Variants in KDM4C observed in about 807,000 individuals in gnomAD.
KDM4C encodes lysine demethylase 4C.
In KDM4C, 81 loss-of-function variants were observed where a neutral mutation model predicts 129.3. The observed-to-expected ratio is 0.63, with a 90% CI of 0.52 to 0.75. The LOEUF (loss-of-function observed/expected upper bound fraction) is 0.75, where lower values mean the gene tolerates loss of function less well. KDM4C is among the 30% of genes least tolerant of loss of function. KDM4C has a pLI of 0.00. For synonymous variants in KDM4C, 573 were observed against 456.1 expected (o/e 1.26, Z -3.26); for missense variants, 1,457 against 1,304.0 (o/e 1.12, Z -1.81).
At chr9:7,125,686 G>A (rs988183718) in intron 18 of KDM4C, among the ~76,000 whole-genome samples, 1 of 152,210 alleles carries the variant, frequency 6.6e-6, no homozygotes, top group African/African-American at 2.4e-5. Flanking sequence ...TATTTCCCAG[G>A]AGTGTTCTAA....
intron 17 of KDM4C, among the ~76,000 whole-genome samples, chr9:7,056,546 A>G (rs1264576132): frequency 6.6e-6 from 1 of 152,200 alleles, no homozygotes; most frequent in Non-Finnish European, 1.5e-5. Flanking sequence ...GTAGATGTCT[A>G]TAGGAGAAAA....
intron 1 of KDM4C, among the ~76,000 whole-genome samples, chr9:6,764,276 G>A (rs2130498857): frequency 6.6e-6 from 1 of 152,320 alleles, no homozygotes; most frequent in East Asian, 1.9e-4. Flanking sequence ...TTAGATATAT[G>A]TAGCATAGAA....
chr9:7,115,045 C>T (rs1838745967), intron 18 of KDM4C, among the ~76,000 whole-genome samples: 1 of 152,086 alleles, frequency 6.6e-6, no homozygotes, highest in African/African-American at 2.4e-5. Context: ...CGCCACTGCA[C>T]TGCAATACAG....
intron 12 of KDM4C, among the ~76,000 whole-genome samples, chr9:7,007,797 A>G (rs1314581963): frequency 6.6e-6 from 1 of 152,186 alleles, no homozygotes; most frequent in Non-Finnish European, 1.5e-5. Flanking sequence ...GGAAAATTTA[A>G]ATTATATTAA....
At chr9:7,044,776 A>G (rs565434114) in intron 15 of KDM4C, among the ~76,000 whole-genome samples, 2 of 152,076 alleles carry the variant, frequency 1.3e-5, no homozygotes, top group East Asian at 1.9e-4. Context: ...AGGGTAGTGG[A>G]TCAGATGCTC....
chr9:6,866,969 GTT>G (rs1312583478), intron 5 of KDM4C, among the ~76,000 whole-genome samples: 10 of 61,894 alleles, frequency 1.6e-4, no homozygotes, highest in Non-Finnish European at 1.5e-4. Flanking sequence ...AAAAATATAT[GTT>G]TGTGTGTGTG....
chr9:7,083,719 G>A (rs1444033808), intron 17 of KDM4C, among the ~76,000 whole-genome samples: 2 of 145,136 alleles, frequency 1.4e-5, no homozygotes, highest in Non-Finnish European at 3.0e-5. Flanking sequence ...TGATGTGTGT[G>A]TGTGTGTGTG....
At chr9:6,990,048 G>C (rs964532261) in intron 11 of KDM4C, among the ~76,000 whole-genome samples, 1 of 152,078 alleles carries the variant, frequency 6.6e-6, no homozygotes, top group Admixed American at 6.5e-5. Flanking sequence ...AAAATGCTGA[G>C]ATTACAGGCA....
chr9:6,740,970 G>A (rs10975815), intron 1 of KDM4C, among the ~76,000 whole-genome samples: 3 of 151,062 alleles, frequency 2.0e-5, no homozygotes, highest in Non-Finnish European at 2.9e-5. Flanking sequence ...GACTACAGAC[G>A]CATGCCACCA....
chr9:7,148,254 C>T (rs1714216066), intron 19 of KDM4C, among the ~76,000 whole-genome samples: 1 of 152,226 alleles, frequency 6.6e-6, no homozygotes, highest in Non-Finnish European at 1.5e-5. Context: ...ACAGCCCTGG[C>T]TTGGGGAACC....
Position 6,989,031 on chromosome 9 carries a change from A to G in KDM4C, c.1678-1385A>G, listed in dbSNP as rs531735753. ...CTTCTTGAGAGCAGAAACCTGATGT[A>G]ATTTTTCCTGCTATAGCTCCAGCTA... On this transcript the variant is annotated intron_variant, in intron 11 of 21. Transcript: ENST00000381309. Among the ~76,000 whole-genome samples the G allele has an allele frequency of 7.2e-5, 11 of 152,328 alleles. No homozygotes were observed. The South Asian group carries it at 2.3e-3, about 32-fold the overall frequency.
intron 19 of KDM4C, among the ~76,000 whole-genome samples, chr9:7,154,520 T>G (rs1587902133): frequency 6.6e-6 from 1 of 152,262 alleles, no homozygotes; most frequent in East Asian, 1.9e-4. Context: ...AGGGATCCCT[T>G]TAGAAGGGTC....
At chr9:7,083,328 C>G (rs1834749332) in intron 17 of KDM4C, among the ~76,000 whole-genome samples, 1 of 152,196 alleles carries the variant, frequency 6.6e-6, no homozygotes, top group African/African-American at 2.4e-5. Flanking sequence ...TCAAAAATTT[C>G]AAACTTTGGA....
At chr9:7,171,589 T>C (rs562586638) in intron 21 of KDM4C, among the ~76,000 whole-genome samples, 2 of 152,292 alleles carry the variant, frequency 1.3e-5, no homozygotes, top group South Asian at 2.1e-4. Context: ...TTCTAATCGA[T>C]GTATGACTAA....
At chr9:6,756,972 AATCTTTCTT>A (rs1385194266), upstream of KDM4C, among the ~76,000 whole-genome samples, 1 of 152,190 alleles carries the variant, frequency 6.6e-6, no homozygotes, top group Non-Finnish European at 1.5e-5. Flanking sequence ...AGATATGCCC[AATCTTTCTT>A]AGCTAAGACG....
chr9:6,861,816 C>T (rs1177037741), intron 5 of KDM4C, among the ~76,000 whole-genome samples: 1 of 151,252 alleles, frequency 6.6e-6, no homozygotes, highest in African/African-American at 2.4e-5. Flanking sequence ...TGCTCTGTTG[C>T]CCAGGCTGCA....
At chr9:6,980,459 C>A (rs984813247) in intron 8 of KDM4C, among the ~76,000 whole-genome samples, 4 of 152,082 alleles carry the variant, frequency 2.6e-5, no homozygotes, top group African/African-American at 7.2e-5. Flanking sequence ...TCGTTAATAA[C>A]CATAAATATA....
At chr9:7,000,773 C>A (rs1321279570) in intron 12 of KDM4C, among the ~76,000 whole-genome samples, 1 of 152,020 alleles carries the variant, frequency 6.6e-6, no homozygotes, top group Non-Finnish European at 1.5e-5. Context: ...ATGTCTCAGC[C>A]TTATAGACCA....
intron 15 of KDM4C, among the ~76,000 whole-genome samples, chr9:7,042,540 T>C (rs1048852785): frequency 1.3e-5 from 2 of 152,078 alleles, no homozygotes; most frequent in African/African-American, 4.8e-5. Context: ...ATATGGGTTC[T>C]TTTGCAGGGA....
Sources: gnomAD v4.1 joint callset for allele counts (sites outside exome capture counted in the v4.1 genomes callset) on GRCh38, gnomAD v4.1.1 for gene constraint, MANE v1.5 for transcripts, NCBI Gene and HGNC (gene_info 2026-07-23, HGNC 2026-07-21) for gene names.